CLVS1: variants seen among roughly 807,000 people sequenced by gnomAD.
The protein encoded by CLVS1 is clavesin 1, also known as clavesin-1.
Under a neutral mutation model 33.1 loss-of-function variants are expected in CLVS1, and 10 were observed. The ratio of observed to expected loss-of-function variants is 0.30; its 90% CI spans 0.19 to 0.51. The LOEUF is 0.51. Ranked by LOEUF, CLVS1 falls within the 20% of genes least tolerant of loss-of-function variation. The pLI is 0.97. For missense variants in CLVS1, 343 were observed against 433.4 expected (o/e 0.79, Z 1.85); for synonymous variants, 163 against 166.1 (o/e 0.98, Z 0.14).
At chr8:61,147,787 T>C (rs761154494) in intron 2 of CLVS1, among the ~76,000 whole-genome samples, 5 of 152,204 alleles carry the variant, frequency 3.3e-5, no homozygotes, top group African/African-American at 4.8e-5. Context: ...AGTGAGTCTG[T>C]TATGGTTTAT....
intron 1 of CLVS1, among the ~76,000 whole-genome samples, chr8:61,120,098 C>T (rs1805824618): frequency 6.8e-6 from 1 of 148,116 alleles, no homozygotes; most frequent in Non-Finnish European, 1.5e-5. Context: ...CTCTAAACTT[C>T]CCTTCTCGCT....
chr8:61,232,022 G>GTTTTTTTTTTTTTTTTT lies in CLVS1; in HGVS notation c.-151-67655_-151-67654insTTTTTTTTTTTTTTTTT, dbSNP rs376185436. The stretch of plus-strand genomic sequence containing the variant: ...GAGAAGGAGCCCTGAGGAAAGTTGT[G>GTTTTTTTTTTTTTTTTT]GTTTTTTTTTTTTTTTTTTTTTTTT... On this transcript the variant is annotated intron_variant, in intron 2 of 2. Transcript: ENST00000522621. Among the ~76,000 whole-genome samples, 14 of 117,070 alleles carry GTTTTTTTTTTTTTTTTT rather than the reference G, an allele frequency of 1.2e-4. 1 individual carries two copies. Among genetic ancestry groups the GTTTTTTTTTTTTTTTTT allele is most frequent in the African/African-American group, 4.9e-4 (11 of 22,320 alleles). The allele number at this position is 117,070 out of a possible 152,430, so 76.8% of individuals were successfully genotyped here. A position where few individuals can be genotyped will look rare whatever the true frequency, so the allele number is the denominator to read the frequency against.
At chr8:61,243,746 T>A (rs781063979) in intron 2 of CLVS1, among the ~76,000 whole-genome samples, 3 of 152,172 alleles carry the variant, frequency 2.0e-5, no homozygotes, top group Non-Finnish European at 4.4e-5. Flanking sequence ...CACTAAGGGG[T>A]TATCAATTAT....
chr8:61,150,207 C>T (rs1806501097), intron 2 of CLVS1, among the ~76,000 whole-genome samples: 2 of 151,238 alleles, frequency 1.3e-5, no homozygotes, highest in African/African-American at 2.4e-5. Flanking sequence ...CCTTAAAAGA[C>T]ATGATTTAGT....
chr8:61,011,076 CA>C, the CLVS1 span, among the ~76,000 whole-genome samples: 1 of 152,198 alleles, frequency 6.6e-6, no homozygotes, highest in Non-Finnish European at 1.5e-5. Flanking sequence ...CTTTGATCTG[CA>C]GAGACCATGC....
chr8:61,325,207 C>T (rs1811339885), intron 2 of CLVS1, among the ~76,000 whole-genome samples: 1 of 150,342 alleles, frequency 6.7e-6, no homozygotes, highest in Admixed American at 6.6e-5. Context: ...CACACACATA[C>T]ACACACACAC....
At chr8:61,245,905 C>T (rs921926046) in intron 2 of CLVS1, among the ~76,000 whole-genome samples, 8 of 151,578 alleles carry the variant, frequency 5.3e-5, no homozygotes, top group Non-Finnish European at 1.2e-4. Flanking sequence ...GTAGCTGGGA[C>T]TACAGATATG....
intron 2 of CLVS1, among the ~76,000 whole-genome samples, chr8:61,191,804 G>C (rs1385215240): frequency 6.6e-6 from 1 of 152,076 alleles, no homozygotes; most frequent in Non-Finnish European, 1.5e-5. Context: ...AAATACCTAG[G>C]AATCCAACTT....
At chr8:61,225,066 C>A (rs1808298218) in intron 2 of CLVS1, among the ~76,000 whole-genome samples, 1 of 152,254 alleles carries the variant, frequency 6.6e-6, no homozygotes, top group Admixed American at 6.5e-5. Context: ...CCTGTAATCC[C>A]AGCACTTTGG....
At chr8:60,997,984 C>T in the CLVS1 span, among the ~76,000 whole-genome samples, 32 of 151,574 alleles carry the variant, frequency 2.1e-4, no homozygotes, top group East Asian at 5.0e-3. Flanking sequence ...TTGTGGAGGA[C>T]GGTGGGAAGG....
chr8:61,393,208 G>A (rs1563532882), intron 3 of CLVS1, among the ~76,000 whole-genome samples: 1 of 151,946 alleles, frequency 6.6e-6, no homozygotes, highest in Non-Finnish European at 1.5e-5. Context: ...ACTTTCGAGT[G>A]TATTTTGTAT....
chr8:61,331,823 T>TTCCTCCTCC (rs71257360), intron 2 of CLVS1, among the ~76,000 whole-genome samples: 49 of 142,064 alleles, frequency 3.4e-4, no homozygotes, highest in African/African-American at 1.2e-3. Flanking sequence ...CCTCCTCCTC[T>TTCCTCCTCC]TCCTCCTCCT....
At chr8:61,226,454 A>C (rs1238104919) in intron 2 of CLVS1, among the ~76,000 whole-genome samples, 3 of 152,240 alleles carry the variant, frequency 2.0e-5, no homozygotes, top group Non-Finnish European at 4.4e-5. Flanking sequence ...CAGACACTAA[A>C]AGTTTTCCAA....
At chr8:61,422,478 A>G (rs1815717225) in intron 3 of CLVS1, among the ~76,000 whole-genome samples, 1 of 152,200 alleles carries the variant, frequency 6.6e-6, no homozygotes, top group African/African-American at 2.4e-5. Context: ...AAAATGAATC[A>G]ATGTTATTTG....
chr8:61,334,859 T>C (rs1220792778), intron 2 of CLVS1, among the ~76,000 whole-genome samples: 1 of 152,060 alleles, frequency 6.6e-6, no homozygotes, highest in African/African-American at 2.4e-5. Context: ...GGAATTGCAA[T>C]AGAGAAAGAG....
At chr8:61,456,956 G>C (rs1302304832) in intron 4 of CLVS1, among the ~76,000 whole-genome samples, 1 of 148,466 alleles carries the variant, frequency 6.7e-6, no homozygotes, top group African/African-American at 2.5e-5. Context: ...TTTTTTTCCC[G>C]AGTTGGAGTC....
chr8:61,376,854 A>G, intron 3 of CLVS1, 75 bp downstream of exon 3: 1 of 1,331,428 alleles, frequency 7.5e-7, no homozygotes, highest in Non-Finnish European at 1.0e-6. Context: ...AACCAAAGTA[A>G]TATTTATCCT....
intron 2 of CLVS1, among the ~76,000 whole-genome samples, chr8:61,256,595 A>G (rs1455584361): frequency 1.3e-5 from 2 of 152,204 alleles, no homozygotes; most frequent in African/African-American, 4.8e-5. Context: ...CTCAAAAACA[A>G]AAACAAAAAA....
At chr8:61,388,607 CT>C (rs1003727571) in intron 3 of CLVS1, among the ~76,000 whole-genome samples, 11 of 151,662 alleles carry the variant, frequency 7.3e-5, no homozygotes, top group Non-Finnish European at 1.5e-4. Flanking sequence ...GCACTTCATT[CT>C]TTTTTTGTTA....
Sources: allele counts gnomAD v4.1 joint callset (sites outside exome capture counted in the v4.1 genomes callset), GRCh38; gene constraint gnomAD v4.1.1; transcripts MANE v1.5; gene names NCBI Gene and HGNC (gene_info 2026-07-23, HGNC 2026-07-21).